The following TMPRSS11D variants were observed in gnomAD, a reference collection of about 807,000 sequenced individuals.
TMPRSS11D encodes transmembrane serine protease 11D.
TMPRSS11D carries 32 observed loss-of-function variants against 44.4 expected under a neutral mutation model. That is an observed-to-expected ratio of 0.72 (90% confidence interval 0.54 to 0.97). The LOEUF (loss-of-function observed/expected upper bound fraction) is 0.97, where lower values mean the gene tolerates loss of function less well. Among genes scored for constraint, TMPRSS11D ranks in the 50% least tolerant of loss-of-function variants. TMPRSS11D has a pLI of 0.00. For missense variants in TMPRSS11D, 446 were observed against 502.6 expected (o/e 0.89, Z 1.08); for synonymous variants, 179 against 177.9 (o/e 1.01, Z -0.05).
At chr4:67,877,151 TA>T (rs901286122) in intron 1 of TMPRSS11D, among the ~76,000 whole-genome samples, 1 of 152,136 alleles carries the variant, frequency 6.6e-6, no homozygotes, top group South Asian at 2.1e-4. Flanking sequence ...ATTCTATAAT[TA>T]AAAAAATTTT....
At chr4:67,868,939 T>C (rs1460473180) in intron 1 of TMPRSS11D, among the ~76,000 whole-genome samples, 1 of 152,120 alleles carries the variant, frequency 6.6e-6, no homozygotes, top group Admixed American at 6.5e-5. Flanking sequence ...ATATTGAAGA[T>C]GAAAAATTAG....
chr4:67,838,774 T>C (rs1396944213), intron 4 of TMPRSS11D, among the ~76,000 whole-genome samples: 2 of 152,100 alleles, frequency 1.3e-5, no homozygotes, highest in Non-Finnish European at 2.9e-5. Flanking sequence ...AATAATCTCC[T>C]AAACAAATTC....
At chr4:67,849,422 A>T (rs1371927) in intron 3 of TMPRSS11D, among the ~76,000 whole-genome samples, 3 of 151,992 alleles carry the variant, frequency 2.0e-5, no homozygotes, top group African/African-American at 4.8e-5. Context: ...GGGATCATCT[A>T]GACAGAATGA....
intron 3 of TMPRSS11D, among the ~76,000 whole-genome samples, chr4:67,851,617 G>A (rs1718512086): frequency 1.3e-5 from 2 of 152,254 alleles, no homozygotes; most frequent in South Asian, 4.2e-4. Flanking sequence ...GCTGGCTCCA[G>A]CTTAGATCTT....
intron 3 of TMPRSS11D, among the ~76,000 whole-genome samples, chr4:67,850,982 T>C (rs1718493909): frequency 6.6e-6 from 1 of 152,162 alleles, no homozygotes; most frequent in South Asian, 2.1e-4. Flanking sequence ...CTGTGAGCCT[T>C]CGAGTGACTT....
intron 3 of TMPRSS11D, among the ~76,000 whole-genome samples, chr4:67,852,250 T>TA (rs1178749836): frequency 6.6e-6 from 1 of 152,050 alleles, no homozygotes; most frequent in East Asian, 1.9e-4. Context: ...AAAACGTAGT[T>TA]AGAGTTGGAA....
intron 1 of TMPRSS11D, among the ~76,000 whole-genome samples, chr4:67,863,348 A>G (rs59160447): frequency 2.0e-5 from 3 of 149,256 alleles, no homozygotes; most frequent in Non-Finnish European, 4.5e-5. Context: ...AAAAAAAAAG[A>G]AAAGAAAAGT....
intron 1 of TMPRSS11D, among the ~76,000 whole-genome samples, chr4:67,865,095 AAGAT>A (rs1432511380): frequency 6.6e-6 from 1 of 151,900 alleles, no homozygotes; most frequent in Non-Finnish European, 1.5e-5. Context: ...AACATTCTCC[AAGAT>A]AGATCATATA....
intron 1 of TMPRSS11D, among the ~76,000 whole-genome samples, chr4:67,881,862 A>T (rs1719327371): frequency 1.3e-5 from 2 of 152,318 alleles, no homozygotes; most frequent in South Asian, 2.1e-4. Flanking sequence ...TCTGTCCCTG[A>T]GCTGAGATAT....
chr4:67,869,064 A>T (rs1169813005), intron 1 of TMPRSS11D, among the ~76,000 whole-genome samples: 1 of 152,212 alleles, frequency 6.6e-6, no homozygotes, highest in African/African-American at 2.4e-5. Flanking sequence ...ACATGACTAG[A>T]CAATTTGAGT....
At chr4:67,847,531 T>C (rs985359110) in intron 3 of TMPRSS11D, among the ~76,000 whole-genome samples, 2 of 152,196 alleles carry the variant, frequency 1.3e-5, no homozygotes, top group African/African-American at 4.8e-5. Flanking sequence ...AGTTGTAAAC[T>C]GCTCATCACT....
rs767883342 is a variant in TMPRSS11D at position 67,822,315 on chromosome 4, C to G, written c.*22G>C. 4 of 1,611,328 alleles carry G rather than the reference C, an allele frequency of 2.5e-6. No homozygotes were observed. The Admixed American group carries it at 6.7e-5, about 27-fold the overall frequency. ...CAGGCACACCTGCATACAGACTTTG[C>G]AACAGGGATGCACTTGTTGCACTAG... On this transcript the variant is annotated 3_prime_UTR_variant, in exon 10 of 10. Transcript: ENST00000283916.
At chr4:67,851,319 A>ATCTCTAGG (rs1284394288) in intron 3 of TMPRSS11D, among the ~76,000 whole-genome samples, 10 of 152,192 alleles carry the variant, frequency 6.6e-5, no homozygotes, top group African/African-American at 2.4e-4. Context: ...ATACTCCCAA[A>ATCTCTAGG]CAACTGGGGA....
intron 9 of TMPRSS11D, among the ~76,000 whole-genome samples, chr4:67,825,412 A>G (rs1717767276): frequency 6.8e-6 from 1 of 146,846 alleles, no homozygotes; most frequent in African/African-American, 2.5e-5. Flanking sequence ...GTACCCAAAA[A>G]GTTAGGTGCT....
intron 1 of TMPRSS11D, among the ~76,000 whole-genome samples, chr4:67,880,061 T>A (rs1423810617): frequency 6.6e-6 from 1 of 152,200 alleles, no homozygotes; most frequent in Non-Finnish European, 1.5e-5. Flanking sequence ...CCATAAGTTT[T>A]TTAGGAATAT....
intron 1 of TMPRSS11D, among the ~76,000 whole-genome samples, chr4:67,871,164 A>G (rs1021043097): frequency 1.3e-5 from 2 of 152,210 alleles, no homozygotes; most frequent in Admixed American, 6.5e-5. Flanking sequence ...TACCAAGCCA[A>G]GAGTCTTTAT....
At chr4:67,831,695 G>A (rs1717950686) in intron 7 of TMPRSS11D, among the ~76,000 whole-genome samples, 1 of 152,204 alleles carries the variant, frequency 6.6e-6, no homozygotes, top group African/African-American at 2.4e-5. Context: ...CCTTTCAAGT[G>A]GCAATGAAAA....
At chr4:67,877,429 A>G (rs1375576024) in intron 1 of TMPRSS11D, among the ~76,000 whole-genome samples, 1 of 152,194 alleles carries the variant, frequency 6.6e-6, no homozygotes, top group Non-Finnish European at 1.5e-5. Context: ...CATTTTATAC[A>G]AGTAGCCTGG....
At chr4:67,860,071 C>T (rs553801461) in intron 1 of TMPRSS11D, among the ~76,000 whole-genome samples, 2 of 152,154 alleles carry the variant, frequency 1.3e-5, no homozygotes, top group South Asian at 4.2e-4. Context: ...GGCACCATCC[C>T]CAAGGCTGTA....
Sources: gnomAD v4.1 joint callset for allele counts (sites outside exome capture counted in the v4.1 genomes callset) on GRCh38, gnomAD v4.1.1 for gene constraint, MANE v1.5 for transcripts, NCBI Gene and HGNC (gene_info 2026-07-23, HGNC 2026-07-21) for gene names.